MYO16: variants seen among roughly 807,000 people sequenced by gnomAD.
MYO16 encodes the protein unconventional myosin-XVI.
A neutral mutation model predicts 205.3 loss-of-function variants in MYO16; 94 were observed. The observed-to-expected ratio is 0.46, with a 90% confidence interval of 0.39 to 0.54. The LOEUF (loss-of-function observed/expected upper bound fraction) is 0.54. Ranked by LOEUF, MYO16 falls within the 20% of genes least tolerant of loss-of-function variation. The pLI is 0.00. For synonymous variants in MYO16, 988 were observed against 954.0 expected, an observed-to-expected ratio of 1.04 and a Z score of -0.66; for missense variants, 2,315 against 2,387.5, an observed-to-expected ratio of 0.97 and a Z score of 0.63.
intron 12 of MYO16, among the ~76,000 whole-genome samples, chr13:108,870,541 T>C (rs1460215297): frequency 6.6e-6 from 1 of 152,100 alleles, no homozygotes; most frequent in Non-Finnish European, 1.5e-5. Context: ...AAGGTTTTAG[T>C]TCTGGATTTA....
chr13:109,097,090 G>C (rs1888801460), intron 27 of MYO16, among the ~76,000 whole-genome samples: 1 of 152,198 alleles, frequency 6.6e-6, no homozygotes, highest in African/African-American at 2.4e-5. Context: ...AGCACTTTGG[G>C]AGGCCAAGGC....
At chr13:108,973,909 A>G (rs922764480) in intron 20 of MYO16, among the ~76,000 whole-genome samples, 3 of 152,134 alleles carry the variant, frequency 2.0e-5, no homozygotes, top group South Asian at 2.1e-4. Context: ...TAGAGAAAAC[A>G]TAATTATAGC....
At chr13:108,944,400 T>C (rs1474760427) in intron 16 of MYO16, among the ~76,000 whole-genome samples, 1 of 152,204 alleles carries the variant, frequency 6.6e-6, no homozygotes, top group African/African-American at 2.4e-5. Context: ...CATTTGATAA[T>C]GACAACATTA....
At chr13:108,726,566 AAAAAAAG>A (rs1267245488) in intron 3 of MYO16, among the ~76,000 whole-genome samples, 41 of 126,340 alleles carry the variant, frequency 3.2e-4, no homozygotes, top group South Asian at 7.5e-4. Context: ...TCAAAAAAAA[AAAAAAAG>A]AAAAAGAAAA....
chr13:108,747,338 GTTA>G (rs976709397), intron 4 of MYO16, among the ~76,000 whole-genome samples: 1 of 152,090 alleles, frequency 6.6e-6, no homozygotes, highest in African/African-American at 2.4e-5. Flanking sequence ...AATATATTGG[GTTA>G]TTATAGCGTA....
At chr13:108,526,378 T>C in the MYO16 span, among the ~76,000 whole-genome samples, 1 of 152,104 alleles carries the variant, frequency 6.6e-6, no homozygotes, top group Non-Finnish European at 1.5e-5. Context: ...TTCAGAGAGG[T>C]AAAAAATGAT....
intron 27 of MYO16, among the ~76,000 whole-genome samples, chr13:109,062,679 G>A (rs1444814466): frequency 6.6e-6 from 1 of 152,082 alleles, no homozygotes; most frequent in Non-Finnish European, 1.5e-5. Flanking sequence ...TGTAGAAACT[G>A]AAGAATTTAA....
At chr13:109,038,524 T>C (rs1301248724) in intron 23 of MYO16, among the ~76,000 whole-genome samples, 1 of 152,122 alleles carries the variant, frequency 6.6e-6, no homozygotes, top group Non-Finnish European at 1.5e-5. Context: ...AACTACCTTG[T>C]CGACTTTCCT....
At chr13:108,510,456 T>G in the MYO16 span, among the ~76,000 whole-genome samples, 1 of 90,328 alleles carries the variant, frequency 1.1e-5, no homozygotes, top group Non-Finnish European at 2.1e-5. Context: ...TTAACATTGA[T>G]AGCTGTTTTT....
At chr13:108,678,914 T>G (rs1882341048) in intron 2 of MYO16, among the ~76,000 whole-genome samples, 1 of 152,158 alleles carries the variant, frequency 6.6e-6, no homozygotes, top group Non-Finnish European at 1.5e-5. Context: ...GCAAGTTTGA[T>G]GTCTGGTGAG....
At chr13:109,160,294 T>C (rs1055209999) in intron 32 of MYO16, among the ~76,000 whole-genome samples, 3 of 152,356 alleles carry the variant, frequency 2.0e-5, no homozygotes, top group African/African-American at 7.2e-5. Context: ...ACCGAATTTT[T>C]TGTATCAACA....
At chr13:108,739,069 G>T (rs893188621) in intron 4 of MYO16, among the ~76,000 whole-genome samples, 1 of 152,190 alleles carries the variant, frequency 6.6e-6, no homozygotes, top group Non-Finnish European at 1.5e-5. Context: ...ACAGCACACT[G>T]ATGGGTCTTG....
At chr13:108,634,812 C>T (rs962298679) in intron 1 of MYO16, among the ~76,000 whole-genome samples, 7 of 152,174 alleles carry the variant, frequency 4.6e-5, no homozygotes, top group Non-Finnish European at 5.9e-5. Context: ...TCTTCTTCTT[C>T]GGGCGTGGCC....
At position 108,764,038 on chromosome 13, in the gene MYO16, G is replaced by GT. The variant is rs540016061; in HGVS notation, c.508-21590dup. ...AAGTCAAGAGAAAAATAAATTGAGA[G>GT]TTTTTTTGTGGAAATGGGAGTGATA... On this transcript the variant is annotated intron_variant, in intron 4 of 34. Transcript: ENST00000457511. Among the ~76,000 whole-genome samples, 104 of 152,198 alleles carry GT rather than the reference G, an allele frequency of 6.8e-4. 1 individual carries two copies. The South Asian group carries it at 8.7e-3, about 13-fold the overall frequency.
chr13:108,844,262 C>G (rs1380348128), intron 9 of MYO16, 81 bp from the exon 10 acceptor site: 3 of 1,158,772 alleles, frequency 2.6e-6, no homozygotes, highest in Non-Finnish European at 3.5e-6. Context: ...CCGTCATAGT[C>G]CAACTATCCT....
intron 1 of MYO16, among the ~76,000 whole-genome samples, chr13:108,618,648 GC>G (rs1234667272): frequency 6.6e-6 from 1 of 152,144 alleles, no homozygotes; most frequent in African/African-American, 2.4e-5. Context: ...GGCAGTGACT[GC>G]CCCTTATTTG....
At chr13:108,757,467 A>T (rs900355900) in intron 4 of MYO16, among the ~76,000 whole-genome samples, 1 of 151,750 alleles carries the variant, frequency 6.6e-6, no homozygotes, top group Admixed American at 6.5e-5. Flanking sequence ...TTTATGACCA[A>T]GCTAGTTTTT....
intron 22 of MYO16, among the ~76,000 whole-genome samples, chr13:109,014,446 C>T (rs1202887411): frequency 3.9e-5 from 6 of 152,198 alleles, no homozygotes; most frequent in Middle Eastern, 3.4e-3. Context: ...CTTGGCAATG[C>T]GGGCTCTTTT....
chr13:108,530,422 G>A, the MYO16 span, among the ~76,000 whole-genome samples: 1 of 152,196 alleles, frequency 6.6e-6, no homozygotes, highest in African/African-American at 2.4e-5. Flanking sequence ...TTGACTTCTA[G>A]AATTATTTCT....
Sources: gnomAD v4.1 joint callset for allele counts (sites outside exome capture counted in the v4.1 genomes callset) on GRCh38, gnomAD v4.1.1 for gene constraint, MANE v1.5 for transcripts, NCBI Gene and HGNC (gene_info 2026-07-23, HGNC 2026-07-21) for gene names.